SEPTIN2: variants seen among roughly 807,000 people sequenced by gnomAD.
SEPTIN2 encodes septin-2.
SEPTIN2 carries 34 observed loss-of-function variants against 46.5 expected under a neutral mutation model. The observed-to-expected ratio is 0.73, with a 90% confidence interval of 0.56 to 0.97. The LOEUF (loss-of-function observed/expected upper bound fraction) is 0.97, where lower values mean the gene tolerates loss of function less well. Among genes scored for constraint, SEPTIN2 ranks in the 50% least tolerant of loss-of-function variants. The pLI, the probability that SEPTIN2 is intolerant of heterozygous loss-of-function variation, is 0.00. For missense variants in SEPTIN2, 347 were observed against 448.4 expected (o/e 0.77, Z 2.04); for synonymous variants, 175 against 153.4 (o/e 1.14, Z -1.04).
At chr2:241,316,384 C>T (rs1331896107) in intron 1 of SEPTIN2, 3 of 917,474 alleles carry the variant, frequency 3.3e-6, no homozygotes, top group Non-Finnish European at 3.1e-6. Context: ...GCTTGTGTGG[C>T]CATCTTGTCT....
intron 5 of SEPTIN2, chr2:241,337,108 C>T (rs62193171): frequency 3.7e-5 from 11 of 296,420 alleles, no homozygotes; most frequent in Middle Eastern, 9.8e-4. Flanking sequence ...AAAAAAAGAA[C>T]GAATTGGCAG....
chr2:241,319,175 T>A (rs1036864710), intron 1 of SEPTIN2, among the ~76,000 whole-genome samples: 2 of 152,222 alleles, frequency 1.3e-5, no homozygotes, highest in African/African-American at 4.8e-5. Context: ...GAATAGAGAA[T>A]ATGAATACTG....
chr2:241,350,196 A>G lies in SEPTIN2; in HGVS notation c.*22A>G, dbSNP rs2060658114. 1.3e-6 allele frequency: 2 copies of G among 1,577,054 alleles called. No individual in the cohort carries two copies. The highest frequency in any genetic ancestry group is 2.7e-5 in the African/African-American group (2 of 73,868). ...GTAAGGTGATGTGCACATATCAAGA[A>G]GTCAGAGGTAGGCCCTGTTGTCCCT... is the stretch of plus-strand genomic sequence containing the variant. On this transcript the variant is annotated 3_prime_UTR_variant, in exon 12 of 13. Coordinates refer to ENST00000391971, the MANE Select transcript of SEPTIN2 (RefSeq NM_004404.5).
At chr2:241,344,337 C>A (rs918363907) in intron 9 of SEPTIN2, among the ~76,000 whole-genome samples, 2 of 152,140 alleles carry the variant, frequency 1.3e-5, no homozygotes, top group Non-Finnish European at 2.9e-5. Flanking sequence ...CCCTGGTTAG[C>A]TTTTTGTGTC....
chr2:241,329,227 G>T (rs1421815095), intron 3 of SEPTIN2, among the ~76,000 whole-genome samples: 1 of 151,718 alleles, frequency 6.6e-6, no homozygotes, highest in Non-Finnish European at 1.5e-5. Context: ...CCGGGTTCAC[G>T]CCATTCTCCC....
At chr2:241,337,222 A>G in intron 5 of SEPTIN2, 160 bp from the exon 6 acceptor site, 1 of 667,678 alleles carries the variant, frequency 1.5e-6, no homozygotes, top group Non-Finnish European at 2.4e-6. Context: ...GTTTCCAAAA[A>G]CTTCCATTTG....
chr2:241,330,076 TA>T (rs1200291737), intron 3 of SEPTIN2, among the ~76,000 whole-genome samples: 2 of 152,228 alleles, frequency 1.3e-5, no homozygotes, highest in Non-Finnish European at 1.5e-5. Context: ...GTAAAGCCTT[TA>T]AAGAGGAGCC....
intron 1 of SEPTIN2, among the ~76,000 whole-genome samples, chr2:241,322,369 G>A (rs2077254084): frequency 6.6e-6 from 1 of 152,068 alleles, no homozygotes; most frequent in African/African-American, 2.4e-5. Flanking sequence ...ACCTTGGGAG[G>A]CTGAGGCGGG....
intron 1 of SEPTIN2, among the ~76,000 whole-genome samples, chr2:241,323,131 G>A (rs1316367070): frequency 2.0e-5 from 3 of 151,446 alleles, no homozygotes; most frequent in Non-Finnish European, 4.4e-5. Flanking sequence ...TTCCCAAACT[G>A]CTGGGATTAC....
chr2:241,342,275 A>T (rs1209994191), intron 7 of SEPTIN2, among the ~76,000 whole-genome samples: 1 of 147,664 alleles, frequency 6.8e-6, no homozygotes, highest in Non-Finnish European at 1.5e-5. Context: ...CATCTGGGGT[A>T]CTTCTCCCTT....
At chr2:241,349,109 C>T (rs188239001) in intron 11 of SEPTIN2, among the ~76,000 whole-genome samples, 140 of 152,174 alleles carry the variant, frequency 9.2e-4, no homozygotes, top group African/African-American at 3.3e-3. Flanking sequence ...CTTATAGTCC[C>T]AGCACTTTAG....
At chr2:241,338,950 TATATA>T (rs1397367318) in intron 7 of SEPTIN2, among the ~76,000 whole-genome samples, 62 of 100,954 alleles carry the variant, frequency 6.1e-4, no homozygotes, top group African/African-American at 2.4e-3. Flanking sequence ...ATATATTATA[TATATA>T]ATATATATTA....
At position 241,337,377 on chromosome 2, in the gene SEPTIN2, C is replaced by G; in HGVS notation, c.342-5C>G. 1 of 1,609,926 alleles carries G rather than the reference C, an allele frequency of 6.2e-7. No individual in the cohort carries two copies. The highest frequency in any genetic ancestry group is 8.5e-7 in the Non-Finnish European group (1 of 1,178,224). ...GATTATTGTTAATGTTTCTGTTTCT[C>G]TCAGTTTTAAGACAATTATCTCCTA... On this transcript the variant is annotated splice_region_variant and splice_polypyrimidine_tract_variant and intron_variant, in intron 5 of 12. Coordinates refer to ENST00000391971, the MANE Select transcript of SEPTIN2 (RefSeq NM_004404.5).
intron 3 of SEPTIN2, 78 bp downstream of exon 3, chr2:241,326,191 C>T (rs1476506818): frequency 7.4e-7 from 1 of 1,350,734 alleles, no homozygotes; most frequent in Non-Finnish European, 9.9e-7. Flanking sequence ...GATAACGTGA[C>T]CTATAAAGAA....
chr2:241,323,027 T>A (rs2077377651), intron 1 of SEPTIN2, among the ~76,000 whole-genome samples: 1 of 152,256 alleles, frequency 6.6e-6, no homozygotes, highest in East Asian at 1.9e-4. Context: ...AACTTAAAAA[T>A]TTTTTTAATT....
intron 1 of SEPTIN2, chr2:241,316,454 A>T: frequency 6.8e-7 from 1 of 1,466,790 alleles, no homozygotes; most frequent in Non-Finnish European, 9.0e-7. Flanking sequence ...CAAACCTCCA[A>T]GCCCATCGGC....
chr2:241,326,018 C>T lies in SEPTIN2; in HGVS notation c.35C>T (p.Pro12Leu). Residue 12 changes from proline to leucine, a missense_variant, in exon 3 of 13, where the codon CCA becomes CTA. Transcript: ENST00000391971. ...CAACAGCCAACTCAGTTTATAAATC[C>T]AGAAACACCTGGCTATGTTGGATTT... ...SKQQPTQFINPETPGYVGFAN... is the reference protein window; with the variant it reads ...SKQQPTQFINLETPGYVGFAN... The T allele has an allele frequency of 6.2e-7, 1 of 1,612,630 alleles. No homozygotes were observed. Among genetic ancestry groups the T allele is most frequent in the Non-Finnish European group, 8.5e-7 (1 of 1,179,334 alleles).
intron 1 of SEPTIN2, chr2:241,316,326 T>G: frequency 4.5e-6 from 2 of 446,756 alleles, no homozygotes; most frequent in South Asian, 3.5e-5. Context: ...GTCGGGAGGT[T>G]TGGTGCTTGG....
chr2:241,342,586 G>A (rs892067544), intron 7 of SEPTIN2, among the ~76,000 whole-genome samples: 2 of 135,804 alleles, frequency 1.5e-5, no homozygotes, highest in African/African-American at 5.5e-5. Flanking sequence ...CGTCACCCAG[G>A]CTGAAGTGCA....
Sources: gnomAD v4.1 joint callset for allele counts (sites outside exome capture counted in the v4.1 genomes callset) on GRCh38, gnomAD v4.1.1 for gene constraint, MANE v1.5 for transcripts, NCBI Gene and HGNC (gene_info 2026-07-23, HGNC 2026-07-21) for gene names.